The following MED15 variants were observed in gnomAD, a reference collection of about 807,000 sequenced individuals.
MED15 encodes mediator complex subunit 15.
Under a neutral mutation model 118.7 loss-of-function variants are expected in MED15, and 41 were observed. The observed-to-expected ratio is 0.35, with a 90% CI of 0.27 to 0.45. The LOEUF (loss-of-function observed/expected upper bound fraction) is 0.45. Among genes scored for constraint, MED15 ranks in the 20% least tolerant of loss-of-function variants. The probability of loss-of-function intolerance (pLI) is 1.00; values close to 1 mark genes in which losing one functional copy is unlikely to be tolerated. For missense variants in MED15, 740 were observed against 1,025.5 expected (o/e 0.72, Z 3.80); for synonymous variants, 436 against 413.9 (o/e 1.05, Z -0.65).
At position 20,554,755 on chromosome 22, in the gene MED15, C is replaced by G; in HGVS notation, c.239-181C>G. 6 of 601,730 alleles carry G rather than the reference C, an allele frequency of 1.0e-5. No individual in the cohort carries two copies. The South Asian group carries it at 1.1e-4, about 11-fold the overall frequency. The allele number at this position is 601,730 out of a possible 1,614,324, so 37.3% of individuals were successfully genotyped here. A position where few individuals can be genotyped will look rare whatever the true frequency, so the allele number is the denominator to read the frequency against. On this transcript the variant is annotated intron_variant, in intron 4 of 17. Transcript: ENST00000263205. ...ATGGGTCATGCAGTGACCAACACAC[C>G]TGGCGTCCTAGCCATTCATATTTGG...
chr22:20,533,951 C>G (rs2054955004), intron 1 of MED15, among the ~76,000 whole-genome samples: 1 of 152,168 alleles, frequency 6.6e-6, no homozygotes, highest in Non-Finnish European at 1.5e-5. Context: ...TCTGCTGCAC[C>G]AAGACAGTGT....
rs362206 is a variant in MED15, at chr22:20,570,393, C to CT, written c.1152+1778dup. Among the ~76,000 whole-genome samples, 1,065 of 135,424 alleles carry CT rather than the reference C, an allele frequency of 7.9e-3. 8 individuals are homozygous for CT. The highest frequency in any genetic ancestry group is 0.021 in the South Asian group (87 of 4,200). 88.8% of individuals were successfully genotyped at this position (135,424 alleles called of 152,430 possible). On this transcript the variant is annotated intron_variant, in intron 8 of 17. Transcript: ENST00000263205. ...TGCTCTTTTCTTTATTTCTTTCTGT[C>CT]TTTTTTTTTTTTTTTTGAGACAGAG...
intron 5 of MED15, among the ~76,000 whole-genome samples, chr22:20,558,764 AC>A (rs1333336760): frequency 6.6e-6 from 1 of 151,910 alleles, no homozygotes; most frequent in Non-Finnish European, 1.5e-5. Context: ...CACCCCCCAT[AC>A]CCCCCAGAAG....
chr22:20,515,194 G>T (rs2054206121), intron 1 of MED15, among the ~76,000 whole-genome samples: 2 of 152,188 alleles, frequency 1.3e-5, no homozygotes, highest in South Asian at 2.1e-4. Flanking sequence ...CTGACGTGCG[G>T]CAGGCATGCT....
chr22:20,576,412 A>T (rs1262670541), intron 9 of MED15, among the ~76,000 whole-genome samples: 1 of 152,238 alleles, frequency 6.6e-6, no homozygotes, highest in Non-Finnish European at 1.5e-5. Flanking sequence ...CTGAGCCAGG[A>T]TGGCCCTTGG....
chr22:20,549,881 C>G (rs1037941327), intron 2 of MED15, among the ~76,000 whole-genome samples: 1 of 152,166 alleles, frequency 6.6e-6, no homozygotes, highest in Non-Finnish European at 1.5e-5. Context: ...TCTTGCTCAG[C>G]CCTGGTGTTA....
At chr22:20,525,261 C>T (rs1047333056) in intron 1 of MED15, among the ~76,000 whole-genome samples, 1 of 151,926 alleles carries the variant, frequency 6.6e-6, no homozygotes, top group African/African-American at 2.4e-5. Flanking sequence ...CATACTCCAC[C>T]CTGGGCAACA....
intron 3 of MED15, 121 bp from the exon 4 acceptor site, chr22:20,553,024 A>G: frequency 1.2e-6 from 1 of 854,946 alleles, no homozygotes; most frequent in Non-Finnish European, 1.9e-6. Context: ...AGTGGGGAGT[A>G]CTAGGAGCTC....
intron 8 of MED15, among the ~76,000 whole-genome samples, chr22:20,571,701 C>T (rs1050286530): frequency 2.6e-5 from 4 of 152,230 alleles, no homozygotes; most frequent in African/African-American, 9.6e-5. Flanking sequence ...GAGGGTTGGG[C>T]ACAGCAAGCC....
intron 17 of MED15, among the ~76,000 whole-genome samples, chr22:20,586,112 C>G (rs1449567988): frequency 6.6e-6 from 1 of 152,216 alleles, no homozygotes; most frequent in African/African-American, 2.4e-5. Flanking sequence ...GGTGAGTAAG[C>G]CCATGGCTCA....
At position 20,508,566 on chromosome 22, in the gene MED15, T is replaced by A. The variant is rs984224940; in HGVS notation, c.68+820T>A. 2.9e-5 allele frequency: 12 copies of A among 415,090 alleles called. No individual in the cohort carries two copies. In the East Asian group the frequency reaches 9.4e-4, roughly 32 times the overall value. The allele number at this position is 415,090 out of a possible 1,614,324, so 25.7% of individuals were successfully genotyped here. A position where few individuals can be genotyped will look rare whatever the true frequency, so the allele number is the denominator to read the frequency against. On this transcript the variant is annotated intron_variant, in intron 1 of 17. Coordinates refer to ENST00000263205, the MANE Select transcript of MED15 (RefSeq NM_001003891.3). ...ATTTGGGAAGGTAATGGAAAATTAG[T>A]CAATTGTTCTCTGGTGGGCAGGGAT... is the stretch of plus-strand genomic sequence containing the variant.
chr22:20,507,896 C>G (rs531593793), intron 1 of MED15, 150 bp downstream of exon 1: 43 of 1,473,976 alleles, frequency 2.9e-5, no homozygotes, highest in East Asian at 7.4e-5. Context: ...CGGGCCCCCC[C>G]GTCTGTCCCC....
At chr22:20,579,519 T>C (rs913270382) in intron 9 of MED15, among the ~76,000 whole-genome samples, 1 of 151,610 alleles carries the variant, frequency 6.6e-6, no homozygotes, top group Non-Finnish European at 1.5e-5. Context: ...CAAGGAACGG[T>C]TCCCAGTATG....
chr22:20,533,407 A>T (rs2054931057), intron 1 of MED15, among the ~76,000 whole-genome samples: 1 of 152,326 alleles, frequency 6.6e-6, no homozygotes, highest in East Asian at 1.9e-4. Context: ...CAAACTAGAA[A>T]CAGGAGCAAA....
chr22:20,534,796 C>T (rs534012156), intron 1 of MED15, among the ~76,000 whole-genome samples: 27 of 152,320 alleles, frequency 1.8e-4, no homozygotes, highest in East Asian at 9.6e-4. Flanking sequence ...GACCCAGTGC[C>T]GCGCGTGAGT....
Position 20,585,263 on chromosome 22 carries a change from G to A in MED15, c.2127G>A (p.Lys709=), listed in dbSNP as rs769404145. The change falls in exon 16 of 18, where the codon AAG becomes AAA. Residue 709 remains lysine (K), a synonymous_variant. Coordinates refer to ENST00000263205, the MANE Select transcript of MED15 (RefSeq NM_001003891.3). The part of the protein sequence containing the change: ...SNNGTVHLIC[K]LDDKDLPSVP... ...ATGGCACTGTCCACCTGATCTGCAA[G>A]CTGGGTGAGTGTCCAGAGGGCCGGG... 12 of 1,612,878 alleles carry A rather than the reference G, an allele frequency of 7.4e-6. No individual in the cohort carries two copies. The South Asian group carries it at 1.3e-4, about 18-fold the overall frequency.
chr22:20,510,149 G>A (rs2146326530), intron 1 of MED15, among the ~76,000 whole-genome samples: 1 of 152,282 alleles, frequency 6.6e-6, no homozygotes, highest in South Asian at 2.1e-4. Flanking sequence ...CACTTTGGGA[G>A]ACTGAGGCAG....
At chr22:20,585,645 T>C in intron 16 of MED15, 83 bp from the exon 17 acceptor site, 1 of 1,275,050 alleles carries the variant, frequency 7.8e-7, no homozygotes, top group Non-Finnish European at 1.1e-6. Flanking sequence ...TCCCTGGGTG[T>C]GGAGTCCTGT....
chr22:20,575,036 A>G, intron 8 of MED15, 77 bp from the exon 9 acceptor site: 1 of 1,593,036 alleles, frequency 6.3e-7, no homozygotes, highest in Non-Finnish European at 8.5e-7. Flanking sequence ...CAGAGGCTAC[A>G]CGTGCCCTCT....
Sources: gnomAD v4.1 joint callset for allele counts (sites outside exome capture counted in the v4.1 genomes callset) on GRCh38, gnomAD v4.1.1 for gene constraint, MANE v1.5 for transcripts, NCBI Gene and HGNC (gene_info 2026-07-23, HGNC 2026-07-21) for gene names.